Variants in BMP2K observed in about 807,000 individuals in gnomAD.
BMP2K encodes BMP-2-inducible protein kinase.
Under a neutral mutation model 116.0 loss-of-function variants are expected in BMP2K, and 74 were observed. The observed-to-expected ratio is 0.64, with a 90% CI of 0.53 to 0.77. The LOEUF is 0.77. Ranked by LOEUF, BMP2K falls within the 30% of genes least tolerant of loss-of-function variation. The pLI is 0.00. For missense variants in BMP2K, 1,365 were observed against 1,403.6 expected (o/e 0.97, Z 0.44); for synonymous variants, 486 against 502.5 (o/e 0.97, Z 0.44).
In BMP2K at chr4:78,792,852, T is replaced by C. The variant is rs1182438064; in HGVS notation, c.178+16131T>C. Among the ~76,000 whole-genome samples the C allele has an allele frequency of 2.0e-5, 3 of 152,176 alleles. No homozygotes were observed. In the East Asian group the frequency reaches 5.8e-4, roughly 29 times the overall value. On this transcript the variant is annotated intron_variant, in intron 1 of 15. Transcript: ENST00000502613. ...TACTAATTATCATGTTTTGCTACAA[T>C]AGCAAAGAAGAATAGGCTATTCATA...
rs756342252 is a variant in BMP2K at position 78,911,000 on chromosome 4, C to T, written c.2453C>T (p.Ser818Phe). ...QAKAKYSDMSSVYRDRSGSGP... is the reference protein window; with the variant it reads ...QAKAKYSDMSFVYRDRSGSGP... Reference sequence around the variant, plus strand: ...AAAGCAAAGTACAGTGACATGAGCTCTGTCTACAGAGACAGATCTGGCAGT... The same window carrying T: ...AAAGCAAAGTACAGTGACATGAGCTTTGTCTACAGAGACAGATCTGGCAGT... Residue 818 changes from serine (S) to phenylalanine (F), a missense_variant, in exon 16 of 16, where the codon TCT (serine) becomes TTT (phenylalanine). Around this residue, in one of 3 missense-constraint regions of BMP2K, gnomAD observed 596 missense variants for 623.2 expected, o/e 0.96. Transcript: ENST00000502613. The T allele has an allele frequency of 2.5e-6, 4 of 1,613,682 alleles. No individual in the cohort carries two copies. Among genetic ancestry groups the T allele is most frequent in the Middle Eastern group, 1.7e-4 (1 of 5,880 alleles).
intron 4 of BMP2K, among the ~76,000 whole-genome samples, chr4:78,844,242 C>T (rs1405167776): frequency 6.6e-6 from 1 of 151,678 alleles, no homozygotes; most frequent in Non-Finnish European, 1.5e-5. Context: ...CGTAAGGAAA[C>T]TAATGCACAT....
chr4:78,822,886 C>G (rs2109993206), intron 1 of BMP2K, among the ~76,000 whole-genome samples: 1 of 152,210 alleles, frequency 6.6e-6, no homozygotes, highest in African/African-American at 2.4e-5. Flanking sequence ...ATTTGATAAG[C>G]TATAGATTGG....
intron 2 of BMP2K, among the ~76,000 whole-genome samples, chr4:78,826,602 G>C (rs780093233): frequency 6.6e-5 from 10 of 152,132 alleles, no homozygotes; most frequent in Non-Finnish European, 1.3e-4. Flanking sequence ...GTAATTTGCA[G>C]TATAGTTGTC....
intron 1 of BMP2K, among the ~76,000 whole-genome samples, chr4:78,800,410 C>T (rs1340819300): frequency 6.6e-6 from 1 of 152,172 alleles, no homozygotes; most frequent in Non-Finnish European, 1.5e-5. Flanking sequence ...ATATGGCACA[C>T]TCTCTATCTT....
chr4:78,823,550 T>TTA (rs1414050443), intron 1 of BMP2K, among the ~76,000 whole-genome samples: 1 of 147,606 alleles, frequency 6.8e-6, no homozygotes, highest in Non-Finnish European at 1.5e-5. Context: ...ATATATATAG[T>TTA]TATATATAGT....
At chr4:78,836,674 G>T (rs2110015049) in intron 3 of BMP2K, among the ~76,000 whole-genome samples, 1 of 152,242 alleles carries the variant, frequency 6.6e-6, no homozygotes, top group East Asian at 1.9e-4. Flanking sequence ...TTTCTGACTG[G>T]ATTTTTTGGA....
chr4:78,886,806 T>G (rs930157644), intron 14 of BMP2K, among the ~76,000 whole-genome samples: 1 of 152,202 alleles, frequency 6.6e-6, no homozygotes, highest in Non-Finnish European at 1.5e-5. Context: ...TTTGCAAGAT[T>G]TTTTCTAAAT....
intron 1 of BMP2K, among the ~76,000 whole-genome samples, chr4:78,795,003 T>C (rs1244480587): frequency 6.6e-6 from 1 of 152,260 alleles, no homozygotes; most frequent in Non-Finnish European, 1.5e-5. Flanking sequence ...GTGTATGCAG[T>C]AGATTCTTGG....
At chr4:78,835,652 C>G (rs1467233364) in intron 3 of BMP2K, among the ~76,000 whole-genome samples, 1 of 144,408 alleles carries the variant, frequency 6.9e-6, no homozygotes, top group Non-Finnish European at 1.5e-5. Context: ...AAAAAAAAGT[C>G]AAATATCTTA....
At chr4:78,860,172 G>C (rs1731705571) in intron 8 of BMP2K, 1 of 441,898 alleles carries the variant, frequency 2.3e-6, no homozygotes, top group Admixed American at 2.8e-5. Flanking sequence ...TGGAGTAATA[G>C]ACATTGGAAG....
In BMP2K at chr4:78,859,573, T is replaced by C; in HGVS notation, c.884-11T>C. The C allele has an allele frequency of 6.4e-7, 1 of 1,569,980 alleles. No homozygotes were observed. The highest frequency in any genetic ancestry group is 8.7e-7 in the Non-Finnish European group (1 of 1,152,780). The stretch of plus-strand genomic sequence containing the variant: ...CATAAAACTTCTTAACATTTTGATC[T>C]ATTCTTGCAGGGTTCATGCTTGAAC... On this transcript the variant is annotated splice_polypyrimidine_tract_variant and intron_variant, in intron 7 of 15. Transcript: ENST00000502613.
At chr4:78,864,564 T>G (rs1406342187) in intron 9 of BMP2K, among the ~76,000 whole-genome samples, 2 of 152,040 alleles carry the variant, frequency 1.3e-5, no homozygotes, top group Admixed American at 1.3e-4. Flanking sequence ...TCACGTTTTT[T>G]TTTTTGGTAC....
chr4:78,789,356 T>C (rs1310908800), intron 1 of BMP2K, among the ~76,000 whole-genome samples: 1 of 152,226 alleles, frequency 6.6e-6, no homozygotes, highest in Non-Finnish European at 1.5e-5. Flanking sequence ...TGTTTCCTTA[T>C]GCCTAAGTAC....
chr4:78,870,807 C>T lies in BMP2K; in HGVS notation c.1256C>T (p.Pro419Leu), dbSNP rs1331765641. The T allele has an allele frequency of 6.2e-7, 1 of 1,613,740 alleles. No homozygotes were observed. Among genetic ancestry groups the T allele is most frequent in the African/African-American group, 1.3e-5 (1 of 74,858 alleles). The change falls in exon 11 of 16, where the codon CCT (proline) becomes CTT (leucine). Residue 419 changes from proline to leucine, a missense_variant. Pro to Leu is a moderately conservative substitution (Grantham distance 98, BLOSUM62 -3). Coordinates refer to ENST00000502613, the MANE Select transcript of BMP2K (RefSeq NM_198892.2). ...PKGALRPGNG[P>L]EILLGQGPPQ... ...GGGGCACTAAGACCTGGAAATGGCC[C>T]TGAAATTTTATTGGGTCAGGGACCT...
At chr4:78,793,292 C>T (rs1728095782) in intron 1 of BMP2K, among the ~76,000 whole-genome samples, 1 of 151,112 alleles carries the variant, frequency 6.6e-6, no homozygotes, top group African/African-American at 2.4e-5. Context: ...CGCCTGTAGT[C>T]CTAGCTACTC....
intron 6 of BMP2K, among the ~76,000 whole-genome samples, chr4:78,848,425 T>G (rs982802579): frequency 4.0e-5 from 6 of 151,542 alleles, no homozygotes; most frequent in Non-Finnish European, 7.4e-5. Context: ...TGGATTTTAA[T>G]TTATAAAATC....
chr4:78,883,853 G>A (rs1179793514), intron 14 of BMP2K, among the ~76,000 whole-genome samples: 1 of 152,078 alleles, frequency 6.6e-6, no homozygotes, highest in African/African-American at 2.4e-5. Flanking sequence ...CTTGAGGCCA[G>A]GAGTTCGAGA....
At chr4:78,837,014 C>T (rs1402554931) in intron 3 of BMP2K, among the ~76,000 whole-genome samples, 1 of 152,000 alleles carries the variant, frequency 6.6e-6, no homozygotes, top group African/African-American at 2.4e-5. Context: ...TTTCTGTTCT[C>T]TTACTGGACT....
Sources: gnomAD v4.1 joint callset for allele counts (sites outside exome capture counted in the v4.1 genomes callset) on GRCh38, gnomAD v4.1.1 for gene constraint, gnomAD v4.1.1 regional missense constraint, MANE v1.5 for transcripts, NCBI Gene and HGNC (gene_info 2026-07-23, HGNC 2026-07-21) for gene names.